Variants in CEP112 observed in about 807,000 individuals in gnomAD.
The protein encoded by CEP112 is centrosomal protein of 112 kDa.
In CEP112, 127 loss-of-function variants were observed where a neutral mutation model predicts 153.0. The observed-to-expected ratio is 0.83, with a 90% CI of 0.72 to 0.96. The LOEUF (loss-of-function observed/expected upper bound fraction) is 0.96, where lower values mean the gene tolerates loss of function less well. CEP112 is among the 40% of genes least tolerant of loss of function. CEP112 has a pLI of 0.00. For missense variants in CEP112, 1,089 were observed against 1,101.2 expected (o/e 0.99, Z 0.16); for synonymous variants, 358 against 374.4 (o/e 0.96, Z 0.51).
At chr17:66,069,653 T>G (rs781065975) in intron 9 of CEP112, among the ~76,000 whole-genome samples, 1 of 152,124 alleles carries the variant, frequency 6.6e-6, no homozygotes, top group Non-Finnish European at 1.5e-5. Context: ...AAGGTCAGCC[T>G]AAATGCAATA....
At chr17:65,937,588 C>A (rs1490715806) in intron 18 of CEP112, among the ~76,000 whole-genome samples, 4 of 99,696 alleles carry the variant, frequency 4.0e-5, no homozygotes, top group African/African-American at 3.3e-5. Flanking sequence ...GCCCCCCACC[C>A]GGCCAGCCGC....
chr17:65,890,122 G>A (rs116163664), intron 20 of CEP112, among the ~76,000 whole-genome samples: 209 of 152,244 alleles, frequency 1.4e-3, no homozygotes, highest in African/African-American at 4.9e-3. Context: ...CAGAAGTTCT[G>A]GGTTTTTTCT....
chr17:66,113,416 G>A (rs575209180), intron 6 of CEP112, among the ~76,000 whole-genome samples: 5 of 152,038 alleles, frequency 3.3e-5, no homozygotes, highest in Admixed American at 1.3e-4. Flanking sequence ...AAATAAAGAG[G>A]AAACAGGAAT....
chr17:66,063,557 T>A (rs955941047), intron 10 of CEP112, among the ~76,000 whole-genome samples: 1 of 152,108 alleles, frequency 6.6e-6, no homozygotes, highest in Non-Finnish European at 1.5e-5. Flanking sequence ...TGTACATTAC[T>A]TGGGTGATGG....
chr17:66,013,274 G>C (rs1275063368), intron 16 of CEP112, among the ~76,000 whole-genome samples: 2 of 152,186 alleles, frequency 1.3e-5, no homozygotes, highest in African/African-American at 4.8e-5. Context: ...GGTGTCTGTA[G>C]GTAAGAAGAC....
At chr17:65,988,416 A>G (rs2063480219) in intron 17 of CEP112, among the ~76,000 whole-genome samples, 1 of 152,222 alleles carries the variant, frequency 6.6e-6, no homozygotes, top group Non-Finnish European at 1.5e-5. Context: ...GAACTCCTCA[A>G]AGAGACAGAG....
intron 21 of CEP112, among the ~76,000 whole-genome samples, chr17:65,765,188 A>G (rs2052880940): frequency 7.3e-6 from 1 of 136,634 alleles, no homozygotes; most frequent in African/African-American, 2.9e-5. Context: ...TTTCTCATTC[A>G]GATCATAAAC....
intron 17 of CEP112, among the ~76,000 whole-genome samples, chr17:65,985,631 A>G (rs1421082220): frequency 6.6e-6 from 1 of 152,220 alleles, no homozygotes; most frequent in South Asian, 2.1e-4. Flanking sequence ...GTGAAAAATC[A>G]AAGAACCGTT....
chr17:65,744,735 T>C (rs117662231), intron 22 of CEP112, among the ~76,000 whole-genome samples: 1 of 152,330 alleles, frequency 6.6e-6, no homozygotes, highest in East Asian at 1.9e-4. Flanking sequence ...CTTCTCAAAT[T>C]AACCATCTGA....
intron 5 of CEP112, among the ~76,000 whole-genome samples, 181 bp from the exon 6 acceptor site, chr17:66,130,004 G>A (rs2070059745): frequency 6.6e-6 from 1 of 151,582 alleles, no homozygotes; most frequent in South Asian, 2.1e-4. Context: ...AGGGGGAAGG[G>A]AGGGAGAAAA....
intron 23 of CEP112, among the ~76,000 whole-genome samples, chr17:65,694,107 G>T (rs2048248933): frequency 6.6e-6 from 1 of 152,116 alleles, no homozygotes; most frequent in Admixed American, 6.6e-5. Context: ...TTGCTCAGTG[G>T]GTCTGAACAG....
chr17:65,967,660 T>C (rs552871277), intron 17 of CEP112, among the ~76,000 whole-genome samples: 178 of 152,252 alleles, frequency 1.2e-3, no homozygotes, highest in Middle Eastern at 3.4e-3. Context: ...TAAGAAACAA[T>C]TCTCAGAGGA....
rs140950276 is a variant in CEP112, at chr17:65,884,228, C to T, written c.2163+17924G>A. Reference sequence around the variant, plus strand: ...AGCTAGTGGAGAAAACAGAAACTAACGTGGAGAAGTAGAAGTGGAAGAAGC... The same window carrying T: ...AGCTAGTGGAGAAAACAGAAACTAATGTGGAGAAGTAGAAGTGGAAGAAGC... On this transcript the variant is annotated intron_variant, in intron 20 of 26. Transcript: ENST00000535342. Among the ~76,000 whole-genome samples, 354 of 152,182 alleles carry T rather than the reference C, an allele frequency of 2.3e-3. 1 individual carries two copies. Among genetic ancestry groups the T allele is most frequent in the African/African-American group, 8.1e-3 (338 of 41,534 alleles).
In CEP112 at chr17:66,038,450, G is replaced by A. The variant is rs151326430; in HGVS notation, c.1219-8427C>T. On this transcript the variant is annotated intron_variant, in intron 12 of 26. Transcript: ENST00000535342. ...TTTGAACCTATAACATCAAGGGAAA[G>A]CCTATAGGCATATATAAAGTATCTT... Among the ~76,000 whole-genome samples the A allele has an allele frequency of 3.3e-5, 5 of 152,272 alleles. No homozygotes were observed. In the East Asian group the frequency reaches 9.6e-4, roughly 29 times the overall value.
chr17:65,864,264 C>T (rs145385334), intron 20 of CEP112, among the ~76,000 whole-genome samples: 10 of 152,250 alleles, frequency 6.6e-5, no homozygotes, highest in Admixed American at 3.3e-4. Flanking sequence ...ATTACCTCTT[C>T]GAGTCATATT....
At chr17:66,145,585 C>A (rs1458727542) in intron 4 of CEP112, among the ~76,000 whole-genome samples, 1 of 152,078 alleles carries the variant, frequency 6.6e-6, no homozygotes, top group East Asian at 1.9e-4. Context: ...GATAAAAAGA[C>A]CTTCTTTCCC....
intron 19 of CEP112, among the ~76,000 whole-genome samples, chr17:65,916,104 A>T (rs2060468806): frequency 6.6e-6 from 1 of 152,192 alleles, no homozygotes; most frequent in South Asian, 2.1e-4. Context: ...GTCCTTCACT[A>T]ACAATCTTAT....
At chr17:65,759,456 C>G (rs1419180313) in intron 21 of CEP112, among the ~76,000 whole-genome samples, 1 of 152,116 alleles carries the variant, frequency 6.6e-6, no homozygotes, top group Non-Finnish European at 1.5e-5. Flanking sequence ...AACTCCGCAC[C>G]ATCCTACCAG....
At chr17:66,030,234 T>C (rs1018184291) in intron 12 of CEP112, among the ~76,000 whole-genome samples, 1 of 152,226 alleles carries the variant, frequency 6.6e-6, no homozygotes, top group Non-Finnish European at 1.5e-5. Context: ...ATCACAGTTA[T>C]ATACTTTTAG....
Sources: allele counts gnomAD v4.1 joint callset (sites outside exome capture counted in the v4.1 genomes callset), GRCh38; gene constraint gnomAD v4.1.1; transcripts MANE v1.5; gene names NCBI Gene and HGNC (gene_info 2026-07-23, HGNC 2026-07-21).